RBP2: variants seen among roughly 807,000 people sequenced by gnomAD.
RBP2 encodes the protein retinol binding protein 2, also known as retinol-binding protein 2.
Under a neutral mutation model 17.0 loss-of-function variants are expected in RBP2, and 17 were observed. That is an observed-to-expected ratio of 1.00 (90% CI 0.68 to 1.50). The LOEUF (loss-of-function observed/expected upper bound fraction) is 1.50. Among genes scored for constraint, RBP2 ranks in the 40% most tolerant of loss-of-function variants. RBP2 has a pLI of 0.00. For synonymous variants in RBP2, 48 were observed against 57.1 expected (o/e 0.84, Z 0.72); for missense variants, 158 against 168.2 (o/e 0.94, Z 0.33).
At chr3:139,461,227 A>G (rs1274427367) in intron 2 of RBP2, among the ~76,000 whole-genome samples, 1 of 152,126 alleles carries the variant, frequency 6.6e-6, no homozygotes, top group Non-Finnish European at 1.5e-5. Context: ...GCACCTCTCC[A>G]CTTCTCCCTG....
At chr3:139,461,067 T>G (rs3772879) in intron 2 of RBP2, among the ~76,000 whole-genome samples, 1 of 152,016 alleles carries the variant, frequency 6.6e-6, no homozygotes, top group Non-Finnish European at 1.5e-5. Context: ...TTTCTCCTAT[T>G]CCTGTTTGGT....
intron 2 of RBP2, among the ~76,000 whole-genome samples, chr3:139,455,119 A>C (rs1252279383): frequency 6.6e-6 from 1 of 152,208 alleles, no homozygotes; most frequent in Non-Finnish European, 1.5e-5. Flanking sequence ...GAAGATGATA[A>C]ATTTCACTAT....
At chr3:139,472,671 A>G (rs544820995) in intron 1 of RBP2, among the ~76,000 whole-genome samples, 4 of 152,214 alleles carry the variant, frequency 2.6e-5, no homozygotes, top group Non-Finnish European at 4.4e-5. Flanking sequence ...CTGCTGCCCA[A>G]TTGCAACCAA....
At chr3:139,459,833 A>AGTGT (rs56943288) in intron 2 of RBP2, among the ~76,000 whole-genome samples, 493 of 134,098 alleles carry the variant, frequency 3.7e-3, no homozygotes, top group African/African-American at 0.011. Flanking sequence ...GGTGTGTGTG[A>AGTGT]GTGTGTGTGT....
intron 1 of RBP2, among the ~76,000 whole-genome samples, chr3:139,469,511 C>G (rs1420185825): frequency 6.6e-6 from 1 of 152,130 alleles, no homozygotes; most frequent in Non-Finnish European, 1.5e-5. Context: ...TAGGCTTTTT[C>G]CATCCCTCAG....
At chr3:139,465,894 C>T (rs911029945) in intron 1 of RBP2, among the ~76,000 whole-genome samples, 1 of 152,170 alleles carries the variant, frequency 6.6e-6, no homozygotes, top group Non-Finnish European at 1.5e-5. Context: ...GTCCAAGTCA[C>T]ATAGCCTGTG....
intron 1 of RBP2, among the ~76,000 whole-genome samples, chr3:139,467,159 G>A (rs9831144): frequency 0.63 from 95,365 of 152,018 alleles, 32,620 homozygotes; most frequent in East Asian, 0.96. Flanking sequence ...TACTCAAGAA[G>A]TACTATGGAT....
At chr3:139,454,971 A>T (rs1455735926) in intron 2 of RBP2, 141 bp from the exon 3 acceptor site, 3 of 716,210 alleles carry the variant, frequency 4.2e-6, no homozygotes, top group Non-Finnish European at 7.2e-6. Flanking sequence ...GGGAGCCAAG[A>T]TGCTTCCAAT....
At chr3:139,462,053 C>G in intron 2 of RBP2, 59 bp downstream of exon 2, 1 of 1,549,002 alleles carries the variant, frequency 6.5e-7, no homozygotes, top group Non-Finnish European at 8.8e-7. Flanking sequence ...ATCATGATAC[C>G]AAATAGCCAG....
chr3:139,453,817 G>A (rs1943351308), intron 3 of RBP2, among the ~76,000 whole-genome samples: 1 of 152,234 alleles, frequency 6.6e-6, no homozygotes, highest in Admixed American at 6.5e-5. Flanking sequence ...GCCACAGAGA[G>A]CACTGGGGAT....
At chr3:139,459,919 CTCTT>C (rs1246357919) in intron 2 of RBP2, among the ~76,000 whole-genome samples, 3 of 152,194 alleles carry the variant, frequency 2.0e-5, no homozygotes, top group East Asian at 3.9e-4. Context: ...AGGATTCTCT[CTCTT>C]TCTGCAGGGC....
At chr3:139,468,702 C>T (rs949802861) in intron 1 of RBP2, among the ~76,000 whole-genome samples, 3 of 152,094 alleles carry the variant, frequency 2.0e-5, no homozygotes, top group African/African-American at 7.2e-5. Context: ...ATTATAAAAA[C>T]ACTTCCTCTT....
intron 1 of RBP2, among the ~76,000 whole-genome samples, chr3:139,475,324 TAAAAAAAAAAA>T (rs397941333): frequency 7.0e-5 from 5 of 71,602 alleles, no homozygotes; most frequent in African/African-American, 2.0e-4. Context: ...GTCCCCAAAA[TAAAAAAAAAAA>T]AAAAAAAAAA....
chr3:139,468,676 A>G (rs996935858), intron 1 of RBP2, among the ~76,000 whole-genome samples: 20 of 150,802 alleles, frequency 1.3e-4, no homozygotes, highest in African/African-American at 4.6e-4. Context: ...ACACACATGC[A>G]CACACACACA....
intron 2 of RBP2, among the ~76,000 whole-genome samples, chr3:139,456,702 G>A (rs1352805158): frequency 1.3e-5 from 2 of 152,102 alleles, no homozygotes; most frequent in African/African-American, 4.8e-5. Flanking sequence ...GCTGGGGCTA[G>A]GATAGAAAGA....
At chr3:139,461,325 C>T (rs1316248512) in intron 2 of RBP2, among the ~76,000 whole-genome samples, 1 of 152,198 alleles carries the variant, frequency 6.6e-6, no homozygotes. Flanking sequence ...AGATAACTCC[C>T]TACTCCCCTC....
At chr3:139,464,860 A>G (rs1396506122) in intron 1 of RBP2, among the ~76,000 whole-genome samples, 2 of 152,058 alleles carry the variant, frequency 1.3e-5, no homozygotes, top group East Asian at 1.9e-4. Context: ...AAAAAAATGC[A>G]GATTTCTGGG....
rs1020129954 is a variant in RBP2, at chr3:139,454,829, G to T, written c.254C>A (p.Ala85Glu). The T allele has an allele frequency of 6.2e-7, 1 of 1,613,856 alleles. No homozygotes were observed. The highest frequency in any genetic ancestry group is 8.5e-7 in the Non-Finnish European group (1 of 1,179,788). Residue 85 changes from alanine (A) to glutamate (E), a missense_variant and splice_region_variant, in exon 3 of 4, where the codon GCA (alanine) becomes GAA (glutamate). Transcript: ENST00000232217. The part of the protein sequence containing the change: ...TKSLDNRHVK[A>E]LVTWEGDVLV... ...GACATCACCTTCCCAGGTGACCAGT[G>T]CCTGTAAAGACAGATTCCCAGGCAA... is the stretch of plus-strand genomic sequence containing the variant.
intron 2 of RBP2, among the ~76,000 whole-genome samples, chr3:139,456,536 C>G (rs1461227902): frequency 6.6e-6 from 1 of 152,032 alleles, no homozygotes; most frequent in Non-Finnish European, 1.5e-5. Context: ...AGAATATAGC[C>G]GTAGTGTATG....
Sources: gnomAD v4.1 joint callset for allele counts (sites outside exome capture counted in the v4.1 genomes callset) on GRCh38, gnomAD v4.1.1 for gene constraint, MANE v1.5 for transcripts, NCBI Gene and HGNC (gene_info 2026-07-23, HGNC 2026-07-21) for gene names.